ANKS1B: variants seen among roughly 807,000 people sequenced by gnomAD.
ANKS1B encodes ankyrin repeat and sterile alpha motif domain containing 1B, also known as ankyrin repeat and sterile alpha motif domain-containing protein 1B.
A neutral mutation model predicts 148.3 loss-of-function variants in ANKS1B; 36 were observed. The observed-to-expected ratio is 0.24, with a 90% CI of 0.19 to 0.32. The LOEUF is 0.32. ANKS1B is among the 10% of genes least tolerant of loss of function. The pLI, the probability that ANKS1B is intolerant of heterozygous loss-of-function variation, is 1.00. For synonymous variants in ANKS1B, 542 were observed against 560.8 expected (o/e 0.97, Z 0.47); for missense variants, 1,157 against 1,542.6 (o/e 0.75, Z 4.19).
At position 99,842,722 on chromosome 12, in the gene ANKS1B, C is replaced by A. The variant is rs1349240493; in HGVS notation, c.135-17333G>T. Among the ~76,000 whole-genome samples the A allele has an allele frequency of 2.6e-5, 4 of 152,266 alleles. No individual in the cohort carries two copies. In the East Asian group the frequency reaches 5.8e-4, roughly 22 times the overall value. On this transcript the variant is annotated intron_variant, in intron 1 of 26. Transcript: ENST00000683438. ...GGCACTGACCCCAATCTCTCTCCCC[C>A]ACTGCAAAATCCCATTGCAGTGGTC... is the stretch of plus-strand genomic sequence containing the variant.
At chr12:99,927,645 A>T (rs2094505369) in intron 1 of ANKS1B, among the ~76,000 whole-genome samples, 1 of 152,128 alleles carries the variant, frequency 6.6e-6, no homozygotes, top group Non-Finnish European at 1.5e-5. Flanking sequence ...AACCAGGAGC[A>T]GCGGCTCACA....
chr12:99,491,503 T>C (rs1258741185), intron 10 of ANKS1B, among the ~76,000 whole-genome samples: 2 of 152,076 alleles, frequency 1.3e-5, no homozygotes. Context: ...AAACCTAGTA[T>C]CCAATACTTA....
chr12:99,406,602 C>G (rs776511632), intron 11 of ANKS1B, among the ~76,000 whole-genome samples: 3 of 145,306 alleles, frequency 2.1e-5, no homozygotes, highest in Non-Finnish European at 4.6e-5. Flanking sequence ...CCTAACAATG[C>G]ATCCTAAGAA....
chr12:99,029,339 C>T (rs1010722948), intron 17 of ANKS1B, among the ~76,000 whole-genome samples: 1 of 152,170 alleles, frequency 6.6e-6, no homozygotes, highest in African/African-American at 2.4e-5. Context: ...ATGAAACCAC[C>T]TCTTCTTTCC....
At chr12:99,693,082 G>A (rs937196166) in intron 8 of ANKS1B, among the ~76,000 whole-genome samples, 2 of 152,196 alleles carry the variant, frequency 1.3e-5, no homozygotes, top group Non-Finnish European at 2.9e-5. Flanking sequence ...AGCAGAGGAA[G>A]AGGAGTTTGC....
intron 8 of ANKS1B, among the ~76,000 whole-genome samples, chr12:99,686,262 A>G (rs919797271): frequency 4.6e-5 from 7 of 152,180 alleles, no homozygotes; most frequent in African/African-American, 1.2e-4. Flanking sequence ...ACTTAGGAGT[A>G]TAACAGCCAA....
chr12:98,987,502 A>G (rs1198157279), intron 17 of ANKS1B, among the ~76,000 whole-genome samples: 1 of 152,138 alleles, frequency 6.6e-6, no homozygotes, highest in Non-Finnish European at 1.5e-5. Flanking sequence ...AAAGTAGCTT[A>G]TTTACAAAGT....
chr12:99,182,740 G>T (rs1342585940), intron 14 of ANKS1B, among the ~76,000 whole-genome samples: 1 of 151,914 alleles, frequency 6.6e-6, no homozygotes, highest in Admixed American at 6.6e-5. Flanking sequence ...CCTCCAAACC[G>T]TTCTGCATAA....
At chr12:99,445,585 G>C (rs575462547) in intron 10 of ANKS1B, among the ~76,000 whole-genome samples, 1 of 151,964 alleles carries the variant, frequency 6.6e-6, no homozygotes, top group Non-Finnish European at 1.5e-5. Flanking sequence ...TGATAGTAGA[G>C]GAGGCTTTGT....
chr12:99,134,618 A>G (rs1392719800), intron 15 of ANKS1B, among the ~76,000 whole-genome samples: 1 of 113,756 alleles, frequency 8.8e-6, no homozygotes, highest in Non-Finnish European at 1.9e-5. Flanking sequence ...CTCTGTCTCT[A>G]TCCCTTTCTG....
At chr12:99,242,493 T>C (rs143966836) in intron 14 of ANKS1B, among the ~76,000 whole-genome samples, 55 of 152,278 alleles carry the variant, frequency 3.6e-4, no homozygotes, top group African/African-American at 1.0e-3. Flanking sequence ...GATTCAATGC[T>C]ATCCCCATCA....
intron 19 of ANKS1B, among the ~76,000 whole-genome samples, chr12:98,812,907 C>T (rs2099109324): frequency 6.6e-6 from 1 of 152,076 alleles, no homozygotes; most frequent in Non-Finnish European, 1.5e-5. Flanking sequence ...GTTTTGTTAG[C>T]AGTAAATAAT....
At chr12:99,855,434 A>G (rs1246398964) in intron 1 of ANKS1B, among the ~76,000 whole-genome samples, 1 of 152,140 alleles carries the variant, frequency 6.6e-6, no homozygotes, top group Non-Finnish European at 1.5e-5. Context: ...AGACCTAAGA[A>G]ATGAGATAGA....
At chr12:99,689,959 C>T (rs958314229) in intron 8 of ANKS1B, among the ~76,000 whole-genome samples, 2 of 152,032 alleles carry the variant, frequency 1.3e-5, no homozygotes, top group East Asian at 1.9e-4. Context: ...ACCCAAGAAT[C>T]GATAATTTAT....
At chr12:99,753,491 T>C (rs2061297771) in intron 8 of ANKS1B, among the ~76,000 whole-genome samples, 1 of 152,104 alleles carries the variant, frequency 6.6e-6, no homozygotes. Flanking sequence ...GGCTCAATAT[T>C]GTATCACTGC....
intron 14 of ANKS1B, among the ~76,000 whole-genome samples, chr12:99,201,292 A>G (rs961951791): frequency 6.6e-6 from 1 of 151,946 alleles, no homozygotes; most frequent in African/African-American, 2.4e-5. Flanking sequence ...ACAGTGACAG[A>G]CTGTCTTTGA....
intron 1 of ANKS1B, among the ~76,000 whole-genome samples, chr12:99,963,481 T>C (rs1377462244): frequency 2.0e-5 from 3 of 152,226 alleles, no homozygotes; most frequent in Admixed American, 2.0e-4. Context: ...GTGCCTGCTG[T>C]TTATTTTTTC....
At chr12:98,973,382 G>A (rs1213549821) in intron 17 of ANKS1B, among the ~76,000 whole-genome samples, 1 of 151,954 alleles carries the variant, frequency 6.6e-6, no homozygotes, top group Non-Finnish European at 1.5e-5. Context: ...ATCTTTCTTG[G>A]GGCAGGTAAA....
intron 9 of ANKS1B, among the ~76,000 whole-genome samples, chr12:99,621,691 C>T (rs1345987597): frequency 6.6e-6 from 1 of 151,886 alleles, no homozygotes; most frequent in African/African-American, 2.4e-5. Context: ...GGGTTCAATT[C>T]ATGAGAAGAC....
Sources: allele counts gnomAD v4.1 joint callset (sites outside exome capture counted in the v4.1 genomes callset), GRCh38; gene constraint gnomAD v4.1.1; transcripts MANE v1.5; gene names NCBI Gene and HGNC (gene_info 2026-07-23, HGNC 2026-07-21).